Variants in ZSWIM4 observed in about 807,000 individuals in gnomAD.
The protein encoded by ZSWIM4 is zinc finger SWIM-type containing 4, also known as zinc finger SWIM domain-containing protein 4.
ZSWIM4 carries 62 observed loss-of-function variants against 102.5 expected under a neutral mutation model. The ratio of observed to expected loss-of-function variants is 0.60; its 90% CI spans 0.49 to 0.75. ZSWIM4 has a LOEUF of 0.75. Ranked by LOEUF, ZSWIM4 falls within the 30% of genes least tolerant of loss-of-function variation. The pLI, the probability that ZSWIM4 is intolerant of heterozygous loss-of-function variation, is 0.00. For missense variants in ZSWIM4, 1,280 were observed against 1,529.6 expected, an observed-to-expected ratio of 0.84 and a Z score of 2.72; for synonymous variants, 652 against 674.5, an observed-to-expected ratio of 0.97 and a Z score of 0.52.
rs1238837402 is a variant in ZSWIM4 at position 13,796,349 on chromosome 19, C to T, written c.153+548C>T. On this transcript the variant is annotated intron_variant, in intron 1 of 13. Transcript: ENST00000590508. ...CCATCGTAGCCTCTAGAGACTCACA[C>T]TACCCCATTCCTGCTCTCCAGATCC... Among the ~76,000 whole-genome samples the T allele has an allele frequency of 2.0e-5, 3 of 152,120 alleles. No individual in the cohort carries two copies. The South Asian group carries it at 6.2e-4, about 31-fold the overall frequency.
intron 2 of ZSWIM4, among the ~76,000 whole-genome samples, chr19:13,802,308 C>T (rs184499162): frequency 1.4e-5 from 2 of 147,552 alleles, no homozygotes; most frequent in South Asian, 2.3e-4. Flanking sequence ...GAGTCTCGGC[C>T]GGGCACAGTG....
At chr19:13,824,970 G>A (rs1179463341) in intron 11 of ZSWIM4, among the ~76,000 whole-genome samples, 1 of 151,792 alleles carries the variant, frequency 6.6e-6, no homozygotes, top group African/African-American at 2.4e-5. Context: ...TTTGAACCCT[G>A]GCATTCTGGG....
At chr19:13,824,976 C>T (rs1365316312) in intron 11 of ZSWIM4, among the ~76,000 whole-genome samples, 2 of 151,410 alleles carry the variant, frequency 1.3e-5, no homozygotes, top group African/African-American at 4.8e-5. Context: ...CCCTGGCATT[C>T]TGGGTGTGCA....
rs1975013250 is a variant in ZSWIM4 at position 13,809,352 on chromosome 19, A to G, written c.1012+132A>G. ...TTGGCAAACATTTATGAGCGCCTCTAAAGTGCCAGGCATGGTACTGGGCAC... is the reference window on the plus strand; with the variant it reads ...TTGGCAAACATTTATGAGCGCCTCTGAAGTGCCAGGCATGGTACTGGGCAC... On this transcript the variant is annotated intron_variant, in intron 5 of 13. Transcript: ENST00000590508. The surrounding 1 kb of genome is among the most constrained non-coding windows in gnomAD (Gnocchi z 4.2). The G allele has an allele frequency of 7.8e-7, 1 of 1,281,974 alleles. No individual in the cohort carries two copies. Among genetic ancestry groups the G allele is most frequent in the African/African-American group, 1.5e-5 (1 of 66,712 alleles). The allele number at this position is 1,281,974 out of a possible 1,614,324, so 79.4% of individuals were successfully genotyped here.
Sources: allele counts gnomAD v4.1 joint callset (sites outside exome capture counted in the v4.1 genomes callset), GRCh38; gene constraint gnomAD v4.1.1; non-coding constraint Gnocchi (gnomAD v3.1); transcripts MANE v1.5; gene names NCBI Gene and HGNC (gene_info 2026-07-23, HGNC 2026-07-21).